Variants in TTC29 observed in about 807,000 individuals in gnomAD.
TTC29 encodes tetratricopeptide repeat domain 29.
Under a neutral mutation model 58.1 loss-of-function variants are expected in TTC29, and 49 were observed. The ratio of observed to expected loss-of-function variants is 0.84; its 90% confidence interval spans 0.67 to 1.07. TTC29 has a LOEUF of 1.07. Among genes scored for constraint, TTC29 ranks in the 50% least tolerant of loss-of-function variants. The probability of loss-of-function intolerance (pLI) is 0.00; values close to 1 mark genes in which losing one functional copy is unlikely to be tolerated. For missense variants in TTC29, 582 were observed against 555.6 expected, an observed-to-expected ratio of 1.05 and a Z score of -0.48; for synonymous variants, 209 against 196.8, an observed-to-expected ratio of 1.06 and a Z score of -0.52.
intron 8 of TTC29, among the ~76,000 whole-genome samples, chr4:146,846,486 G>GT (rs1252573196): frequency 2.0e-5 from 3 of 152,122 alleles, no homozygotes; most frequent in African/African-American, 7.2e-5. Context: ...GACAAATACA[G>GT]TTTTTATCCT....
At chr4:146,831,973 G>A (rs1431554277) in intron 9 of TTC29, among the ~76,000 whole-genome samples, 1 of 152,028 alleles carries the variant, frequency 6.6e-6, no homozygotes, top group South Asian at 2.1e-4. Flanking sequence ...TGTTGCCCAG[G>A]TTGGAATCAA....
chr4:146,777,141 GTC>G (rs764399931), intron 11 of TTC29, among the ~76,000 whole-genome samples: 2 of 152,254 alleles, frequency 1.3e-5, no homozygotes, highest in Non-Finnish European at 2.9e-5. Flanking sequence ...CAGTAGTGCA[GTC>G]GGGTATCCTA....
At chr4:146,878,047 C>T (rs1312794176) in intron 6 of TTC29, among the ~76,000 whole-genome samples, 3 of 152,176 alleles carry the variant, frequency 2.0e-5, no homozygotes, top group South Asian at 2.1e-4. Flanking sequence ...ATCCGCCAGA[C>T]GTCCTCTGTG....
intron 11 of TTC29, among the ~76,000 whole-genome samples, chr4:146,794,252 T>C (rs540773562): frequency 8.9e-4 from 136 of 152,142 alleles, no homozygotes; most frequent in Non-Finnish European, 1.3e-3. Flanking sequence ...TTTTAGGGAA[T>C]ATTCCTGTGA....
intron 11 of TTC29, among the ~76,000 whole-genome samples, chr4:146,780,765 G>A (rs1405041098): frequency 1.3e-5 from 2 of 151,918 alleles, no homozygotes; most frequent in Admixed American, 1.3e-4. Flanking sequence ...TGTAAACTTA[G>A]AATGATTTTT....
At chr4:146,904,458 C>G (rs1733388485) in intron 5 of TTC29, among the ~76,000 whole-genome samples, 1 of 151,196 alleles carries the variant, frequency 6.6e-6, no homozygotes, top group South Asian at 2.2e-4. Context: ...TAACCTATAT[C>G]TACATAAAAA....
chr4:146,742,998 A>G (rs1745274821), intron 11 of TTC29, among the ~76,000 whole-genome samples: 1 of 152,180 alleles, frequency 6.6e-6, no homozygotes, highest in African/African-American at 2.4e-5. Context: ...AAGCAAAAGC[A>G]TCAGCTAACT....
intron 11 of TTC29, among the ~76,000 whole-genome samples, chr4:146,793,346 C>A (rs573163442): frequency 2.0e-5 from 3 of 152,260 alleles, no homozygotes; most frequent in South Asian, 2.1e-4. Flanking sequence ...GCAACCACCA[C>A]CCTGATCAAT....
At chr4:146,764,417 T>C (rs185737988) in intron 11 of TTC29, among the ~76,000 whole-genome samples, 61 of 152,154 alleles carry the variant, frequency 4.0e-4, no homozygotes, top group African/African-American at 1.3e-3. Flanking sequence ...GGAGGGCAGA[T>C]AGTATCATAT....
intron 11 of TTC29, among the ~76,000 whole-genome samples, chr4:146,798,886 CAAAAAAAAAAAAAAA>C (rs70958529): frequency 1.1e-4 from 2 of 18,272 alleles, no homozygotes; most frequent in Middle Eastern, 0.033. Flanking sequence ...GACTCCGTCT[CAAAAAAAAAAAAAAA>C]AAAAAAAAAA....
At chr4:146,861,764 T>G (rs1176198075) in intron 8 of TTC29, among the ~76,000 whole-genome samples, 2 of 152,050 alleles carry the variant, frequency 1.3e-5, no homozygotes, top group African/African-American at 4.8e-5. Context: ...TATTCACTTG[T>G]GTTTATCCAA....
chr4:146,817,951 T>G (rs1751529638), intron 10 of TTC29, among the ~76,000 whole-genome samples: 1 of 152,138 alleles, frequency 6.6e-6, no homozygotes, highest in African/African-American at 2.4e-5. Flanking sequence ...ATTAAAGACT[T>G]AAACGTTAGA....
chr4:146,882,274 A>G (rs1485365529), intron 6 of TTC29, among the ~76,000 whole-genome samples: 1 of 152,130 alleles, frequency 6.6e-6, no homozygotes, highest in Non-Finnish European at 1.5e-5. Flanking sequence ...GTTGGTTTCA[A>G]TCTAAGTTTT....
intron 4 of TTC29, among the ~76,000 whole-genome samples, chr4:146,923,812 A>G (rs574648583): frequency 2.0e-5 from 3 of 152,052 alleles, no homozygotes; most frequent in African/African-American, 7.2e-5. Flanking sequence ...CAGTGAATAT[A>G]CAAGAAAAAC....
At chr4:146,769,242 C>CT (rs1168044261) in intron 11 of TTC29, among the ~76,000 whole-genome samples, 1 of 151,956 alleles carries the variant, frequency 6.6e-6, no homozygotes, top group African/African-American at 2.4e-5. Flanking sequence ...AAATGTCAAT[C>CT]TTTTGCTGTA....
At chr4:146,918,902 A>G (rs1443267912) in intron 4 of TTC29, among the ~76,000 whole-genome samples, 1 of 151,180 alleles carries the variant, frequency 6.6e-6, no homozygotes, top group African/African-American at 2.4e-5. Flanking sequence ...CATTTTTAAG[A>G]CTTAAAAAAA....
intron 8 of TTC29, among the ~76,000 whole-genome samples, chr4:146,863,765 T>C (rs1730395233): frequency 6.6e-6 from 1 of 152,134 alleles, no homozygotes; most frequent in Non-Finnish European, 1.5e-5. Context: ...GAGTCAGTGA[T>C]GTAGATTCAG....
chr4:146,889,062 A>T (rs1247617589), intron 6 of TTC29, among the ~76,000 whole-genome samples: 1 of 152,180 alleles, frequency 6.6e-6, no homozygotes, highest in African/African-American at 2.4e-5. Context: ...TATACATTCA[A>T]CATCTATCAA....
At position 146,862,221 on chromosome 4, in the gene TTC29, C is replaced by T. The variant is rs1382299700; in HGVS notation, c.885+5277G>A. On this transcript the variant is annotated intron_variant, in intron 8 of 12. Coordinates refer to ENST00000325106, the MANE Select transcript of TTC29 (RefSeq NM_031956.4). ...CTGGTTAGATCTCCAATCAGGGAAT[C>T]GATCCTACATATTTATTTATATTTT... Among the ~76,000 whole-genome samples the T allele has an allele frequency of 2.7e-5, 4 of 150,566 alleles. 1 individual carries two copies. The South Asian group carries it at 8.4e-4, about 32-fold the overall frequency.
Sources: gnomAD v4.1 joint callset for allele counts (sites outside exome capture counted in the v4.1 genomes callset) on GRCh38, gnomAD v4.1.1 for gene constraint, MANE v1.5 for transcripts, NCBI Gene and HGNC (gene_info 2026-07-23, HGNC 2026-07-21) for gene names.